RHOJ: variants seen among roughly 807,000 people sequenced by gnomAD.
RHOJ encodes the protein rho-related GTP-binding protein RhoJ.
A neutral mutation model predicts 23.4 loss-of-function variants in RHOJ; 11 were observed. The ratio of observed to expected loss-of-function variants is 0.47; its 90% CI spans 0.30 to 0.78. The LOEUF (loss-of-function observed/expected upper bound fraction) is 0.78. RHOJ is among the 30% of genes least tolerant of loss of function. The probability of loss-of-function intolerance (pLI) is 0.08; values close to 1 mark genes in which losing one functional copy is unlikely to be tolerated. For synonymous variants in RHOJ, 102 were observed against 102.7 expected (o/e 0.99, Z 0.04); for missense variants, 254 against 273.4 (o/e 0.93, Z 0.50).
At chr14:63,288,184 T>G in intron 4 of RHOJ, 1 of 985,438 alleles carries the variant, frequency 1.0e-6, no homozygotes, top group Non-Finnish European at 1.2e-6. Context: ...TTCATTATCT[T>G]CAGAAATGTC....
chr14:63,260,872 G>T (rs568445415), intron 1 of RHOJ, among the ~76,000 whole-genome samples: 1 of 151,416 alleles, frequency 6.6e-6, no homozygotes, highest in Admixed American at 6.6e-5. Flanking sequence ...ATTACCAAAT[G>T]CCCTCTTGAT....
At chr14:63,272,554 G>A (rs1385336351) in intron 2 of RHOJ, among the ~76,000 whole-genome samples, 4 of 152,198 alleles carry the variant, frequency 2.6e-5, no homozygotes, top group South Asian at 2.1e-4. Context: ...TGTTCTGAGA[G>A]GTAAAGTAAT....
intron 1 of RHOJ, among the ~76,000 whole-genome samples, chr14:63,225,987 C>G (rs1894587797): frequency 6.6e-6 from 1 of 152,114 alleles, no homozygotes; most frequent in Non-Finnish European, 1.5e-5. Flanking sequence ...AAAGTATCAG[C>G]CTTTTCATGT....
Position 63,227,647 on chromosome 14 carries a change from C to T in RHOJ, c.178+22600C>T, listed in dbSNP as rs555491566. Among the ~76,000 whole-genome samples, 33 of 152,082 alleles carry T rather than the reference C, an allele frequency of 2.2e-4. No individual in the cohort carries two copies. The South Asian group carries it at 2.7e-3, about 12-fold the overall frequency. On this transcript the variant is annotated intron_variant, in intron 1 of 4. Transcript: ENST00000316754. ...GTGTGGGACTGACAAATAAATGTAC[C>T]GACCATCCAAAACAGTACTTTATAG... is the stretch of plus-strand genomic sequence containing the variant.
At chr14:63,272,464 T>C (rs2139657673) in intron 2 of RHOJ, among the ~76,000 whole-genome samples, 1 of 152,362 alleles carries the variant, frequency 6.6e-6, no homozygotes, top group African/African-American at 2.4e-5. Context: ...TCCATCTTGC[T>C]TGAATAATTA....
chr14:63,216,144 C>T (rs906669636), intron 1 of RHOJ, among the ~76,000 whole-genome samples: 16 of 152,132 alleles, frequency 1.1e-4, no homozygotes, highest in Admixed American at 5.2e-4. Flanking sequence ...AAAGGTTTTG[C>T]TTCCAGTCAA....
intron 3 of RHOJ, among the ~76,000 whole-genome samples, 175 bp from the exon 4 acceptor site, chr14:63,282,946 A>G (rs1157320655): frequency 1.3e-5 from 2 of 152,240 alleles, no homozygotes; most frequent in Non-Finnish European, 2.9e-5. Flanking sequence ...GTACATTTAC[A>G]AAGAAATGGC....
chr14:63,266,027 T>C (rs1267569733), intron 1 of RHOJ, among the ~76,000 whole-genome samples: 1 of 152,172 alleles, frequency 6.6e-6, no homozygotes, highest in African/African-American at 2.4e-5. Context: ...GCGTCTCTTG[T>C]CAGACCCTGA....
intron 1 of RHOJ, among the ~76,000 whole-genome samples, chr14:63,266,408 G>T (rs1224490041): frequency 2.0e-5 from 3 of 152,266 alleles, no homozygotes; most frequent in African/African-American, 7.2e-5. Context: ...GTTTACTTTG[G>T]AATGCCCTTA....
chr14:63,293,095 G>A lies in RHOJ; in HGVS notation c.*2071G>A, dbSNP rs549164082. The A allele has an allele frequency of 1.3e-5, 2 of 152,188 alleles. No individual in the cohort carries two copies. The highest frequency in any genetic ancestry group is 4.8e-5 in the African/African-American group (2 of 41,444). 9.4% of individuals were successfully genotyped at this position (152,188 alleles called of 1,614,324 possible). A position where few individuals can be genotyped will look rare whatever the true frequency, so the allele number is the denominator to read the frequency against. ...AAGCTTGACATTTAGAGAAAACAAG[G>A]ACTTTCTGCCTTTATAAATGGAAAT... On this transcript the variant is annotated 3_prime_UTR_variant, in exon 5 of 5. Transcript: ENST00000316754.
intron 2 of RHOJ, among the ~76,000 whole-genome samples, chr14:63,269,595 A>G (rs114115665): frequency 0.014 from 2,159 of 152,200 alleles, 56 homozygotes; most frequent in African/African-American, 0.049. Flanking sequence ...GCCCAAAAAG[A>G]GATTGGTGGG....
chr14:63,262,752 G>A (rs1895294151), intron 1 of RHOJ, among the ~76,000 whole-genome samples: 1 of 152,212 alleles, frequency 6.6e-6, no homozygotes, highest in Admixed American at 6.5e-5. Context: ...TCTGCACTGT[G>A]TATTCAGCAT....
At position 63,260,346 on chromosome 14, in the gene RHOJ, C is replaced by T. The variant is rs1194458919; in HGVS notation, c.179-8764C>T. Among the ~76,000 whole-genome samples, 5 of 152,286 alleles carry T rather than the reference C, an allele frequency of 3.3e-5. No homozygotes were observed. The East Asian group carries it at 9.6e-4, about 29-fold the overall frequency. ...CACTGCAGCAGACCTATTTATCACA[C>T]GTTCTACTCGTAAAATTATAAGCTT... On this transcript the variant is annotated intron_variant, in intron 1 of 4. Transcript: ENST00000316754.
chr14:63,220,741 A>T (rs191341750), intron 1 of RHOJ, among the ~76,000 whole-genome samples: 2 of 152,290 alleles, frequency 1.3e-5, no homozygotes, highest in Admixed American at 1.3e-4. Flanking sequence ...ACTCTAACTG[A>T]TGTCTAACTT....
chr14:63,217,065 C>A (rs999522628), intron 1 of RHOJ, among the ~76,000 whole-genome samples: 1 of 123,410 alleles, frequency 8.1e-6, no homozygotes, highest in African/African-American at 2.8e-5. Flanking sequence ...TATTCTTTCC[C>A]GCTTTTTTTT....
intron 2 of RHOJ, among the ~76,000 whole-genome samples, chr14:63,277,116 A>G (rs1881742573): frequency 6.6e-6 from 1 of 152,330 alleles, no homozygotes; most frequent in South Asian, 2.1e-4. Context: ...TGTGGTCACA[A>G]TTGAGAGCCA....
chr14:63,217,621 C>T (rs904180780), intron 1 of RHOJ, among the ~76,000 whole-genome samples: 1 of 152,038 alleles, frequency 6.6e-6, no homozygotes, highest in Non-Finnish European at 1.5e-5. Context: ...ATTCAGGACA[C>T]AGGCATGGGC....
chr14:63,279,395 T>C (rs900334755), intron 2 of RHOJ, among the ~76,000 whole-genome samples: 12 of 152,266 alleles, frequency 7.9e-5, no homozygotes, highest in Non-Finnish European at 1.8e-4. Context: ...GATGTATATA[T>C]AAATATGGTA....
In RHOJ at chr14:63,241,112, C is replaced by T. The variant is rs117756484; in HGVS notation, c.179-27998C>T. On this transcript the variant is annotated intron_variant, in intron 1 of 4. Coordinates refer to ENST00000316754, the MANE Select transcript of RHOJ (RefSeq NM_020663.5). ...GAGGTTACCATCAGTTCTAGAGTGG[C>T]TTGCAAAATGCTGCTCAGGGAAAAG... Among the ~76,000 whole-genome samples the T allele has an allele frequency of 4.6e-3, 697 of 152,330 alleles. 31 individuals carry two copies. The East Asian group carries it at 0.11, about 23-fold the overall frequency.
Sources: allele counts gnomAD v4.1 joint callset (sites outside exome capture counted in the v4.1 genomes callset), GRCh38; gene constraint gnomAD v4.1.1; transcripts MANE v1.5; gene names NCBI Gene and HGNC (gene_info 2026-07-23, HGNC 2026-07-21).